ERBIN: variants seen among roughly 807,000 people sequenced by gnomAD.
ERBIN encodes the protein erbb2 interacting protein.
ERBIN carries 60 observed loss-of-function variants against 158.4 expected under a neutral mutation model. The observed-to-expected ratio is 0.38, with a 90% confidence interval of 0.31 to 0.47. The LOEUF (loss-of-function observed/expected upper bound fraction) is 0.47. Among genes scored for constraint, ERBIN ranks in the 20% least tolerant of loss-of-function variants. ERBIN has a pLI of 0.99. For missense variants in ERBIN, 1,610 were observed against 1,648.0 expected (o/e 0.98, Z 0.40); for synonymous variants, 594 against 557.2 (o/e 1.07, Z -0.93).
intron 21 of ERBIN, 187 bp downstream of exon 21, chr5:66,055,138 T>G: frequency 7.4e-7 from 1 of 1,351,268 alleles, no homozygotes; most frequent in Non-Finnish European, 9.5e-7. Flanking sequence ...TGTGTTTCTA[T>G]CCTCTCCTTC....
In ERBIN at chr5:66,053,855, A is replaced by G; in HGVS notation, c.2537A>G (p.Asp846Gly). 6.2e-7 allele frequency: 1 copy of G among 1,614,094 alleles called. No individual in the cohort carries two copies. Among genetic ancestry groups the G allele is most frequent in the Non-Finnish European group, 8.5e-7 (1 of 1,180,012 alleles). The change falls in exon 21 of 26, where the codon GAC becomes GGC. Residue 846 changes from aspartate to glycine, a missense_variant. Physicochemically the swap from Asp to Gly is moderately conservative, Grantham distance 94. Transcript: ENST00000284037. ...TEPHDSDCSV[D>G]LGISKSTEDL... ...CCACATGACAGTGATTGTTCTGTTGACTTAGGTATTTCCAAAAGCACTGAA... is the reference window on the plus strand; with the variant it reads ...CCACATGACAGTGATTGTTCTGTTGGCTTAGGTATTTCCAAAAGCACTGAA...
At chr5:65,993,882 T>C (rs1210871971) in intron 3 of ERBIN, among the ~76,000 whole-genome samples, 2 of 152,304 alleles carry the variant, frequency 1.3e-5, no homozygotes, top group Admixed American at 1.3e-4. Context: ...GAAATTCAAA[T>C]TTAATGGACA....
chr5:66,029,929 A>G (rs1459329615), intron 14 of ERBIN, among the ~76,000 whole-genome samples: 2 of 152,110 alleles, frequency 1.3e-5, no homozygotes, highest in African/African-American at 4.8e-5. Flanking sequence ...CTAATATCCC[A>G]GAAGCCTTAA....
chr5:66,004,591 C>T lies in ERBIN; in HGVS notation c.308-7458C>T, dbSNP rs142176831. On this transcript the variant is annotated intron_variant, in intron 4 of 25. Transcript: ENST00000284037. ...TTTTTTTTGGTATTTTCAGTTTACA[C>T]GGGTTTTCGCCATGTTGGCCAGGCT... Among the ~76,000 whole-genome samples the T allele has an allele frequency of 2.1e-4, 32 of 152,032 alleles. No homozygotes were observed. In the East Asian group the frequency reaches 3.3e-3, roughly 16 times the overall value.
chr5:65,992,852 A>T lies in ERBIN; in HGVS notation c.134A>T (p.Glu45Val). 1 of 1,613,348 alleles carries T rather than the reference A, an allele frequency of 6.2e-7. No individual in the cohort carries two copies. Among genetic ancestry groups the T allele is most frequent in the Non-Finnish European group, 8.5e-7 (1 of 1,179,696 alleles). The part of the protein sequence containing the change: ...EQVPKEIFTF[E>V]KTLEELYLDA... ...GTTCCGAAAGAGATTTTTACTTTTGAAAAAACCTTGGAGGAACTCTATTTA... is the reference window on the plus strand; with the variant it reads ...GTTCCGAAAGAGATTTTTACTTTTGTAAAAACCTTGGAGGAACTCTATTTA... Residue 45 changes from glutamate (E) to valine (V), a missense_variant, in exon 3 of 26, where the codon GAA (glutamate) becomes GTA (valine). Coordinates refer to ENST00000284037, the MANE Select transcript of ERBIN (RefSeq NM_001253697.2).
chr5:66,034,694 GTAT>G (rs35999200), intron 14 of ERBIN, among the ~76,000 whole-genome samples: 2,615 of 151,764 alleles, frequency 0.017, 77 homozygotes, highest in African/African-American at 0.061. Context: ...CCTAGTTGAA[GTAT>G]TATTAGTATC....
chr5:66,058,913 G>GT, intron 21 of ERBIN, among the ~76,000 whole-genome samples: 1 of 152,306 alleles, frequency 6.6e-6, no homozygotes, highest in East Asian at 1.9e-4. Context: ...TTTGGTACCA[G>GT]TACCGTGCCG....
rs1335918400 is a variant in ERBIN at position 66,024,304 on chromosome 5, A to T, written c.673-2A>T. Reference sequence around the variant, plus strand: ...CATTAGATTTTCTTTTTTTACTTATAGTTTATTGGTAGTTTGAAACAGCTC... The same window carrying T: ...CATTAGATTTTCTTTTTTTACTTATTGTTTATTGGTAGTTTGAAACAGCTC... On this transcript the variant is annotated splice_acceptor_variant, in intron 9 of 25. Coordinates refer to ENST00000284037, the MANE Select transcript of ERBIN (RefSeq NM_001253697.2). LOFTEE classifies it high-confidence loss of function. 6.7e-7 allele frequency: 1 copy of T among 1,486,782 alleles called. No individual in the cohort carries two copies. The highest frequency in any genetic ancestry group is 2.1e-5 in the Admixed American group (1 of 46,576). 92.1% of individuals were successfully genotyped at this position (1,486,782 alleles called of 1,614,324 possible). A position where few individuals can be genotyped will look rare whatever the true frequency, so the allele number is the denominator to read the frequency against.
At chr5:66,036,799 G>T (rs952437776) in intron 14 of ERBIN, among the ~76,000 whole-genome samples, 1 of 152,172 alleles carries the variant, frequency 6.6e-6, no homozygotes, top group African/African-American at 2.4e-5. Flanking sequence ...AGGAATTATG[G>T]CATAGTAATA....
In ERBIN at chr5:66,048,719, C is replaced by G. The variant is rs1049345803; in HGVS notation, c.1841C>G (p.Pro614Arg). ...GAGATGAAAATGGCGGAGATGCGAC[C>G]ACCATTAATTGAAACCTCTATTAAC... ...DEEMKMAEMR[P>R]PLIETSINQP... Residue 614 changes from proline (P) to arginine (R), a missense_variant, in exon 19 of 26, where the codon CCA becomes CGA. Pro to Arg is a moderately radical substitution (Grantham distance 103). Coordinates refer to ENST00000284037, the MANE Select transcript of ERBIN (RefSeq NM_001253697.2). 1 of 1,608,268 alleles carries G rather than the reference C, an allele frequency of 6.2e-7. No homozygotes were observed. The highest frequency in any genetic ancestry group is 8.5e-7 in the Non-Finnish European group (1 of 1,177,308).
intron 4 of ERBIN, among the ~76,000 whole-genome samples, chr5:66,002,412 A>G (rs1328707891): frequency 6.6e-6 from 1 of 151,580 alleles, no homozygotes; most frequent in African/African-American, 2.4e-5. Context: ...GAAGACTGAG[A>G]AGATGTGATT....
intron 1 of ERBIN, among the ~76,000 whole-genome samples, chr5:65,963,742 A>C (rs1356541863): frequency 6.6e-6 from 1 of 150,900 alleles, no homozygotes; most frequent in African/African-American, 2.4e-5. Context: ...GACAAATTTT[A>C]TTTTTTTATA....
chr5:65,970,481 T>C (rs1173228553), intron 1 of ERBIN, among the ~76,000 whole-genome samples: 1 of 152,236 alleles, frequency 6.6e-6, no homozygotes, highest in Non-Finnish European at 1.5e-5. Context: ...ACTATTTTTC[T>C]GTATGTAGAG....
At position 65,985,810 on chromosome 5, in the gene ERBIN, T is replaced by C. The variant is rs116145885; in HGVS notation, c.-57-2825T>C. Among the ~76,000 whole-genome samples the C allele has an allele frequency of 6.2e-3, 950 of 152,308 alleles. 12 individuals are homozygous for C. The highest frequency in any genetic ancestry group is 0.022 in the African/African-American group (910 of 41,576). On this transcript the variant is annotated intron_variant, in intron 1 of 25. Coordinates refer to ENST00000284037, the MANE Select transcript of ERBIN (RefSeq NM_001253697.2). Reference sequence around the variant, plus strand: ...TGTTCTTTCTTGAATCCCTTCCAAATAGTGTTTTGCCCCACCAACCAGAGG... The same window carrying C: ...TGTTCTTTCTTGAATCCCTTCCAAACAGTGTTTTGCCCCACCAACCAGAGG...
rs1000896507 is a variant in ERBIN, at chr5:66,046,009, T to G, written c.1603-344T>G. Reference sequence around the variant, plus strand: ...AGTTTTACCATGTCATTAGAGTTACTGTACAGTCCACAATGAGCAGAAAAC... The same window carrying G: ...AGTTTTACCATGTCATTAGAGTTACGGTACAGTCCACAATGAGCAGAAAAC... On this transcript the variant is annotated intron_variant, in intron 17 of 25. Coordinates refer to ENST00000284037, the MANE Select transcript of ERBIN (RefSeq NM_001253697.2). 9.2e-5 allele frequency among the ~76,000 whole-genome samples: 14 copies of G among 152,326 alleles called. No homozygotes were observed. The South Asian group carries it at 1.7e-3, about 18-fold the overall frequency.
chr5:66,014,865 A>G (rs2151111873), intron 7 of ERBIN, 140 bp downstream of exon 7: 1 of 504,744 alleles, frequency 2.0e-6, no homozygotes, highest in Non-Finnish European at 3.5e-6. Context: ...TATTTAATTA[A>G]TGGTGTTAAA....
chr5:66,027,445 A>G (rs1038375384), intron 13 of ERBIN, among the ~76,000 whole-genome samples: 2 of 152,000 alleles, frequency 1.3e-5, no homozygotes, highest in Non-Finnish European at 2.9e-5. Context: ...TAGTATTCTA[A>G]TGAGTATTTA....
intron 1 of ERBIN, among the ~76,000 whole-genome samples, chr5:65,966,027 CAT>C (rs1461016132): frequency 6.6e-6 from 1 of 152,168 alleles, no homozygotes. Flanking sequence ...TATATGTTCT[CAT>C]GTGAAATGTT....
intron 1 of ERBIN, among the ~76,000 whole-genome samples, chr5:65,948,082 T>C (rs911993027): frequency 2.0e-5 from 3 of 152,002 alleles, no homozygotes; most frequent in Non-Finnish European, 2.9e-5. Flanking sequence ...GAATAATGAA[T>C]GGACAGTGTT....
Sources: gnomAD v4.1 joint callset for allele counts (sites outside exome capture counted in the v4.1 genomes callset) on GRCh38, gnomAD v4.1.1 for gene constraint, MANE v1.5 for transcripts, NCBI Gene and HGNC (gene_info 2026-07-23, HGNC 2026-07-21) for gene names.